Variants in STK32B observed in about 807,000 individuals in gnomAD.
STK32B encodes serine/threonine kinase 32B.
A neutral mutation model predicts 52.6 loss-of-function variants in STK32B; 43 were observed. The ratio of observed to expected loss-of-function variants is 0.82; its 90% CI spans 0.64 to 1.05. The LOEUF (loss-of-function observed/expected upper bound fraction) is 1.05. Ranked by LOEUF, STK32B falls within the 50% of genes least tolerant of loss-of-function variation. STK32B has a pLI of 0.00. For missense variants in STK32B, 621 were observed against 534.6 expected (o/e 1.16, Z -1.59); for synonymous variants, 238 against 204.3 (o/e 1.17, Z -1.41).
At chr4:5,337,003 C>G (rs1732747732) in intron 4 of STK32B, among the ~76,000 whole-genome samples, 1 of 152,042 alleles carries the variant, frequency 6.6e-6, no homozygotes, top group South Asian at 2.1e-4. Context: ...TTTCTTGAGA[C>G]AGAGTTTTGC....
At chr4:5,280,135 C>T (rs1365341716) in intron 3 of STK32B, among the ~76,000 whole-genome samples, 1 of 152,192 alleles carries the variant, frequency 6.6e-6, no homozygotes, top group Non-Finnish European at 1.5e-5. Context: ...GGTCAGGCTG[C>T]AAATTTTCCA....
intron 1 of STK32B, among the ~76,000 whole-genome samples, chr4:5,082,385 G>A (rs1019797634): frequency 6.6e-6 from 1 of 152,196 alleles, no homozygotes; most frequent in Non-Finnish European, 1.5e-5. Flanking sequence ...TGAGGCAGAT[G>A]GAGCATTGTA....
At position 5,456,974 on chromosome 4, in the gene STK32B, G is replaced by C. The variant is rs746049906; in HGVS notation, c.783+51G>C. 33 of 1,344,116 alleles carry C rather than the reference G, an allele frequency of 2.5e-5. No homozygotes were observed. The African/African-American group carries it at 4.6e-4, about 19-fold the overall frequency. The allele number at this position is 1,344,116 out of a possible 1,614,324, so 83.3% of individuals were successfully genotyped here. A position where few individuals can be genotyped will look rare whatever the true frequency, so the allele number is the denominator to read the frequency against. ...CCGCCAGGGAGCTACGGTGAGTGTA[G>C]AAACAGCCATATCAGCAAACGAAGG... On this transcript the variant is annotated intron_variant, in intron 8 of 11. Transcript: ENST00000282908.
chr4:5,340,879 A>G (rs1320974920), intron 4 of STK32B, among the ~76,000 whole-genome samples: 1 of 152,222 alleles, frequency 6.6e-6, no homozygotes, highest in Non-Finnish European at 1.5e-5. Context: ...ACATGCACAT[A>G]TACAAATATC....
In STK32B at chr4:5,380,870, G is replaced by A. The variant is rs1462625606; in HGVS notation, c.435-17337G>A. On this transcript the variant is annotated intron_variant, in intron 4 of 11. Transcript: ENST00000282908. This position sits in a 1 kb window ranked among gnomAD's most constrained non-coding sequence, Gnocchi z 4.3. ...AGAAATTGAGACTCAGAGGAGGGAA[G>A]GCGCCTGTTCAAGGTCCTGCAGCTC... is the stretch of plus-strand genomic sequence containing the variant. Among the ~76,000 whole-genome samples the A allele has an allele frequency of 6.6e-6, 1 of 152,120 alleles. No individual in the cohort carries two copies. Among genetic ancestry groups the A allele is most frequent in the East Asian group, 1.9e-4 (1 of 5,188 alleles).
the STK32B span, among the ~76,000 whole-genome samples, chr4:5,034,165 GACTCT>G: frequency 6.6e-6 from 1 of 152,204 alleles, no homozygotes; most frequent in Non-Finnish European, 1.5e-5. Flanking sequence ...TGGAGCTTTG[GACTCT>G]TACGTAAAGT....
At chr4:5,308,504 T>C in intron 3 of STK32B, among the ~76,000 whole-genome samples, 1 of 152,322 alleles carries the variant, frequency 6.6e-6, no homozygotes, top group South Asian at 2.1e-4. Context: ...AGAGTTATTA[T>C]AAATATTATA....
At chr4:5,427,802 A>C (rs1713227493) in intron 6 of STK32B, among the ~76,000 whole-genome samples, 1 of 152,038 alleles carries the variant, frequency 6.6e-6, no homozygotes, top group Non-Finnish European at 1.5e-5. Flanking sequence ...TTTCCTGGTC[A>C]TTCAGAGTAC....
chr4:5,159,783 T>TATGAATATATATATGAATATATAAATGTA, intron 2 of STK32B, among the ~76,000 whole-genome samples: 1 of 130,666 alleles, frequency 7.7e-6, no homozygotes, highest in Non-Finnish European at 1.6e-5. Flanking sequence ...ATATGAATGT[T>TATGAATATATATATGAATATATAAATGTA]TATGAATATA....
At chr4:5,190,312 CA>C (rs1168111755) in intron 3 of STK32B, among the ~76,000 whole-genome samples, 2 of 152,132 alleles carry the variant, frequency 1.3e-5, no homozygotes, top group Non-Finnish European at 2.9e-5. Flanking sequence ...GACACTCTGC[CA>C]AAATTTCACA....
At chr4:5,063,147 C>A (rs1742280657) in intron 1 of STK32B, among the ~76,000 whole-genome samples, 1 of 152,044 alleles carries the variant, frequency 6.6e-6, no homozygotes, top group Non-Finnish European at 1.5e-5. Flanking sequence ...AGGTGTGTGT[C>A]CAAATTTCAT....
At chr4:5,321,590 C>A (rs932512803) in intron 3 of STK32B, among the ~76,000 whole-genome samples, 3 of 152,180 alleles carry the variant, frequency 2.0e-5, no homozygotes, top group African/African-American at 7.2e-5. Context: ...TTCCCACTAT[C>A]TCCTCTATCA....
At chr4:5,341,493 A>G (rs566193044) in intron 4 of STK32B, among the ~76,000 whole-genome samples, 1 of 152,186 alleles carries the variant, frequency 6.6e-6, no homozygotes, top group Non-Finnish European at 1.5e-5. Flanking sequence ...TCCTCATCAC[A>G]TACTTTCCCA....
chr4:5,434,691 T>A (rs1577491292), intron 6 of STK32B, among the ~76,000 whole-genome samples: 1 of 152,290 alleles, frequency 6.6e-6, no homozygotes, highest in South Asian at 2.1e-4. Context: ...GACAAGGTCC[T>A]TGTGAGATAA....
chr4:5,118,249 G>C (rs1714844328), intron 1 of STK32B, among the ~76,000 whole-genome samples: 1 of 152,084 alleles, frequency 6.6e-6, no homozygotes, highest in African/African-American at 2.4e-5. Context: ...TTATTGGTCT[G>C]TTCACATATT....
rs548171852 is a variant in STK32B, at chr4:5,363,065, C to T, written c.434+31672C>T. Among the ~76,000 whole-genome samples, 3 of 152,322 alleles carry T rather than the reference C, an allele frequency of 2.0e-5. No homozygotes were observed. In the Middle Eastern group the frequency reaches 0.01, roughly 518 times the overall value. ...AAGCATCTCACATACAACCACATTC[C>T]TGCCATCTTCACTTAACACATTTCT... is the stretch of plus-strand genomic sequence containing the variant. On this transcript the variant is annotated intron_variant, in intron 4 of 11. Coordinates refer to ENST00000282908, the MANE Select transcript of STK32B (RefSeq NM_018401.3).
At chr4:5,176,386 C>T (rs1053247251) in intron 3 of STK32B, among the ~76,000 whole-genome samples, 9 of 149,314 alleles carry the variant, frequency 6.0e-5, no homozygotes, top group East Asian at 2.0e-4. Context: ...CGGTCTTCTG[C>T]GTTGCTTACA....
intron 3 of STK32B, among the ~76,000 whole-genome samples, chr4:5,207,209 AC>A (rs1222204192): frequency 6.6e-6 from 1 of 152,098 alleles, no homozygotes; most frequent in Non-Finnish European, 1.5e-5. Context: ...CTCTGCATCC[AC>A]CCTAACACTG....
intron 2 of STK32B, among the ~76,000 whole-genome samples, chr4:5,164,314 C>T (rs1718693847): frequency 6.6e-6 from 1 of 152,170 alleles, no homozygotes; most frequent in South Asian, 2.1e-4. Context: ...TTCATCACTC[C>T]AACCTCTGCA....
Sources: gnomAD v4.1 joint callset for allele counts (sites outside exome capture counted in the v4.1 genomes callset) on GRCh38, gnomAD v4.1.1 for gene constraint, Gnocchi (gnomAD v3.1) non-coding constraint, MANE v1.5 for transcripts, NCBI Gene and HGNC (gene_info 2026-07-23, HGNC 2026-07-21) for gene names.